The following JAZF1 variants were observed in gnomAD, a reference collection of about 807,000 sequenced individuals.
The protein encoded by JAZF1 is juxtaposed with another zinc finger protein 1.
In JAZF1, 8 loss-of-function variants were observed where a neutral mutation model predicts 26.4. That is an observed-to-expected ratio of 0.30 (90% CI 0.18 to 0.55). JAZF1 has a LOEUF of 0.55. JAZF1 is among the 20% of genes least tolerant of loss of function. The probability of loss-of-function intolerance (pLI) is 0.94; values close to 1 mark genes in which losing one functional copy is unlikely to be tolerated. For synonymous variants in JAZF1, 126 were observed against 122.3 expected (o/e 1.03, Z -0.20); for missense variants, 199 against 322.0 (o/e 0.62, Z 2.92).
chr7:28,050,523 T>C (rs903901210), intron 1 of JAZF1, among the ~76,000 whole-genome samples: 14 of 152,310 alleles, frequency 9.2e-5, no homozygotes, highest in African/African-American at 3.4e-4. Flanking sequence ...TTATAAAGAA[T>C]AGTATTTTTA....
At chr7:28,047,740 A>G (rs952986177) in intron 1 of JAZF1, among the ~76,000 whole-genome samples, 2 of 152,148 alleles carry the variant, frequency 1.3e-5, no homozygotes, top group Non-Finnish European at 2.9e-5. Context: ...CTGGCCTTTT[A>G]TGCCGTTAAC....
At chr7:28,103,991 TC>T (rs772985031) in intron 1 of JAZF1, among the ~76,000 whole-genome samples, 23 of 152,214 alleles carry the variant, frequency 1.5e-4, no homozygotes, top group Non-Finnish European at 2.8e-4. Flanking sequence ...CACGACCTTA[TC>T]TCCCCCTGCC....
chr7:28,033,073 A>C (rs1783220120), intron 1 of JAZF1, among the ~76,000 whole-genome samples: 1 of 152,152 alleles, frequency 6.6e-6, no homozygotes, highest in African/African-American at 2.4e-5. Context: ...GGACCTATGT[A>C]AGTATGGTCT....
chr7:28,070,091 T>C (rs1186784556), intron 1 of JAZF1, among the ~76,000 whole-genome samples: 1 of 152,194 alleles, frequency 6.6e-6, no homozygotes, highest in Admixed American at 6.5e-5. Context: ...AGGGGAGCTT[T>C]TTTGTTGCTC....
At chr7:27,917,819 T>C (rs1784467394) in intron 2 of JAZF1, among the ~76,000 whole-genome samples, 1 of 152,194 alleles carries the variant, frequency 6.6e-6, no homozygotes, top group South Asian at 2.1e-4. Flanking sequence ...GCATAGACCG[T>C]TTTATTTACT....
intron 1 of JAZF1, among the ~76,000 whole-genome samples, chr7:28,018,159 C>T (rs894206980): frequency 2.0e-5 from 3 of 152,136 alleles, no homozygotes; most frequent in Non-Finnish European, 2.9e-5. Context: ...AGGGGTAGAA[C>T]GAGCCAGCGA....
chr7:27,889,677 A>G (rs1327222132), intron 3 of JAZF1, among the ~76,000 whole-genome samples: 2 of 152,200 alleles, frequency 1.3e-5, no homozygotes, highest in African/African-American at 2.4e-5. Context: ...CACGCCTGTA[A>G]TCCCAGCACC....
At chr7:27,974,967 C>T (rs1049645938) in intron 2 of JAZF1, among the ~76,000 whole-genome samples, 1 of 151,316 alleles carries the variant, frequency 6.6e-6, no homozygotes, top group African/African-American at 2.4e-5. Flanking sequence ...TCTCTGCAAC[C>T]TCTGCCTCCC....
chr7:27,896,229 A>C (rs180690472), intron 2 of JAZF1, among the ~76,000 whole-genome samples: 3 of 152,312 alleles, frequency 2.0e-5, no homozygotes, highest in African/African-American at 7.2e-5. Flanking sequence ...TGATGTTGGT[A>C]ATATTCAAAC....
intron 1 of JAZF1, among the ~76,000 whole-genome samples, chr7:28,145,263 G>A (rs1338548404): frequency 6.6e-6 from 1 of 152,204 alleles, no homozygotes; most frequent in Non-Finnish European, 1.5e-5. Context: ...AAAAGTCTGT[G>A]AGTCAAGGTT....
At chr7:28,070,886 C>A (rs1046670333) in intron 1 of JAZF1, among the ~76,000 whole-genome samples, 1 of 152,234 alleles carries the variant, frequency 6.6e-6, no homozygotes, top group Non-Finnish European at 1.5e-5. Flanking sequence ...CTCGAGGGCA[C>A]AGACTGTGGT....
At chr7:27,863,145 T>C (rs1039781512) in intron 3 of JAZF1, among the ~76,000 whole-genome samples, 2 of 152,264 alleles carry the variant, frequency 1.3e-5, no homozygotes, top group African/African-American at 4.8e-5. Context: ...CAAAATGTTA[T>C]TTCAGGTGAA....
chr7:27,862,242 T>C (rs1783396580), intron 3 of JAZF1, among the ~76,000 whole-genome samples: 1 of 152,126 alleles, frequency 6.6e-6, no homozygotes. Context: ...ATCTAGGGGG[T>C]ACACATGCAG....
intron 3 of JAZF1, among the ~76,000 whole-genome samples, chr7:27,860,116 T>C (rs936427193): frequency 6.6e-5 from 10 of 152,210 alleles, no homozygotes; most frequent in African/African-American, 2.4e-4. Context: ...GGTAAATAAT[T>C]ATCCTGTTTA....
chr7:28,127,584 T>G (rs760400423), intron 1 of JAZF1, among the ~76,000 whole-genome samples: 37 of 152,102 alleles, frequency 2.4e-4, no homozygotes, highest in Non-Finnish European at 3.5e-4. Context: ...TTTTATTTCA[T>G]GAAAAGCAGA....
At chr7:27,996,300 C>T (rs918008001) in intron 1 of JAZF1, among the ~76,000 whole-genome samples, 4 of 152,184 alleles carry the variant, frequency 2.6e-5, no homozygotes, top group African/African-American at 7.2e-5. Context: ...ATGTGCTATT[C>T]GCAGGCTGGG....
At chr7:27,989,718 T>C (rs1356281954) in intron 2 of JAZF1, among the ~76,000 whole-genome samples, 2 of 152,018 alleles carry the variant, frequency 1.3e-5, no homozygotes, top group Non-Finnish European at 2.9e-5. Context: ...GAAATGCAAA[T>C]CAAAACCACA....
chr7:28,119,378 T>C (rs1784801707), intron 1 of JAZF1, among the ~76,000 whole-genome samples: 1 of 152,116 alleles, frequency 6.6e-6, no homozygotes, highest in Admixed American at 6.5e-5. Context: ...TCTATGCCAA[T>C]CATATGATCA....
chr7:28,056,624 C>T (rs369881559), intron 1 of JAZF1, among the ~76,000 whole-genome samples: 17 of 152,292 alleles, frequency 1.1e-4, no homozygotes, highest in African/African-American at 3.8e-4. Context: ...AAACTAAAAG[C>T]AAACACAGCT....
Sources: allele counts gnomAD v4.1 joint callset (sites outside exome capture counted in the v4.1 genomes callset), GRCh38; gene constraint gnomAD v4.1.1; transcripts MANE v1.5; gene names NCBI Gene and HGNC (gene_info 2026-07-23, HGNC 2026-07-21).